The following WDFY3 variants were observed in gnomAD, a reference collection of about 807,000 sequenced individuals.
WDFY3 encodes the protein WD repeat and FYVE domain containing 3.
In WDFY3, 66 loss-of-function variants were observed where a neutral mutation model predicts 409.6. The ratio of observed to expected loss-of-function variants is 0.16; its 90% confidence interval spans 0.13 to 0.20. The LOEUF (loss-of-function observed/expected upper bound fraction) is 0.20, where lower values mean the gene tolerates loss of function less well. WDFY3 is among the 10% of genes least tolerant of loss of function. The pLI, the probability that WDFY3 is intolerant of heterozygous loss-of-function variation, is 1.00. For synonymous variants in WDFY3, 1,521 were observed against 1,537.1 expected (o/e 0.99, Z 0.25); for missense variants, 3,031 against 4,298.1 (o/e 0.71, Z 8.24).
chr4:84,841,239 T>C lies in WDFY3; in HGVS notation c.329A>G (p.Gln110Arg), dbSNP rs1408923364. Residue 110 changes from glutamine to arginine, a missense_variant, in exon 6 of 68, where the codon CAG (glutamine) becomes CGG (arginine). Physicochemically the swap from Gln to Arg is conservative, Grantham distance 43. Coordinates refer to ENST00000295888, the MANE Select transcript of WDFY3 (RefSeq NM_014991.6). Reference sequence around the variant, plus strand: ...TTCACTCTGATTAATCTCTAGGAACTGAACTATGGCCCGACTTGCAGCCTC... The same window carrying C: ...TTCACTCTGATTAATCTCTAGGAACCGAACTATGGCCCGACTTGCAGCCTC... ...STEAASRAIV[Q>R]FLEINQSEEA... The C allele has an allele frequency of 6.2e-7, 1 of 1,612,708 alleles. No homozygotes were observed.
chr4:84,718,605 G>C, intron 47 of WDFY3, 35 bp from the exon 48 acceptor site: 1 of 1,589,484 alleles, frequency 6.3e-7, no homozygotes, highest in Non-Finnish European at 8.5e-7. Context: ...ATTAATATAG[G>C]CTTTTTGTAA....
chr4:84,794,443 G>C, intron 21 of WDFY3, 76 bp downstream of exon 21: 1 of 1,357,186 alleles, frequency 7.4e-7, no homozygotes, highest in Non-Finnish European at 1.0e-6. Context: ...TTATTAGCTG[G>C]ACTTTTAAAA....
chr4:84,713,344 C>A, intron 50 of WDFY3, 105 bp from the exon 51 acceptor site: 1 of 1,000,956 alleles, frequency 1.0e-6, no homozygotes, highest in South Asian at 1.3e-5. Context: ...GTTGCGTCTA[C>A]CCTCCCATAA....
chr4:84,844,139 G>A (rs568281795), intron 5 of WDFY3, among the ~76,000 whole-genome samples: 7 of 152,264 alleles, frequency 4.6e-5, no homozygotes, highest in African/African-American at 1.7e-4. Context: ...AGCCTACACT[G>A]AGAGTAAACA....
At chr4:84,854,822 T>C (rs544837343) in intron 4 of WDFY3, among the ~76,000 whole-genome samples, 5 of 152,262 alleles carry the variant, frequency 3.3e-5, no homozygotes, top group African/African-American at 9.6e-5. Context: ...GGCATAAGAA[T>C]AGCTTGAACC....
chr4:84,747,951 C>T (rs939552692), intron 36 of WDFY3, among the ~76,000 whole-genome samples: 5 of 151,762 alleles, frequency 3.3e-5, no homozygotes, highest in African/African-American at 1.2e-4. Context: ...TGAAGACATA[C>T]CCAGTCTCGG....
At chr4:84,882,318 C>T (rs974852770) in intron 3 of WDFY3, among the ~76,000 whole-genome samples, 12 of 152,162 alleles carry the variant, frequency 7.9e-5, no homozygotes, top group Non-Finnish European at 1.3e-4. Flanking sequence ...TCCACCACCA[C>T]TCCTTGAAGA....
At position 84,837,007 on chromosome 4, in the gene WDFY3, C is replaced by G; in HGVS notation, c.498G>C (p.Val166=). 1.2e-6 allele frequency: 2 copies of G among 1,602,312 alleles called. No homozygotes were observed. Among genetic ancestry groups the G allele is most frequent in the Non-Finnish European group, 1.7e-6 (2 of 1,174,542 alleles). ...TCTGTGCACCTCCAACTGCCTCAGG[C>G]ACATGTGGAAGGTCAAAAAACAGAT... ...CLYLFFDLPH[V]PEAVGGAQNE... The change falls in exon 7 of 68, where the codon GTG becomes GTC. Residue 166 remains valine, a synonymous_variant. Coordinates refer to ENST00000295888, the MANE Select transcript of WDFY3 (RefSeq NM_014991.6).
At chr4:84,830,272 G>A (rs1443560307) in intron 8 of WDFY3, among the ~76,000 whole-genome samples, 2 of 152,190 alleles carry the variant, frequency 1.3e-5, no homozygotes, top group Non-Finnish European at 1.5e-5. Flanking sequence ...AAAGCAACAT[G>A]TATTCAATAG....
At chr4:84,950,401 A>C (rs1773454848) in intron 1 of WDFY3, among the ~76,000 whole-genome samples, 4 of 151,174 alleles carry the variant, frequency 2.6e-5, no homozygotes, top group African/African-American at 9.8e-5. Context: ...CATATCCCAG[A>C]ACTTAAAGTT....
chr4:84,748,591 C>T (rs1739928540), intron 36 of WDFY3, among the ~76,000 whole-genome samples: 1 of 152,088 alleles, frequency 6.6e-6, no homozygotes, highest in Admixed American at 6.5e-5. Context: ...ACTCTCAAAC[C>T]CATGCTCTAG....
chr4:84,678,795 A>T, intron 65 of WDFY3, 124 bp downstream of exon 65: 1 of 1,048,582 alleles, frequency 9.5e-7, no homozygotes, highest in Non-Finnish European at 1.4e-6. Flanking sequence ...ATTCTGTGTG[A>T]GTGGCCCAGC....
intron 32 of WDFY3, among the ~76,000 whole-genome samples, chr4:84,758,716 CTAAT>C (rs2149341804): frequency 6.6e-6 from 1 of 152,158 alleles, no homozygotes; most frequent in South Asian, 2.1e-4. Context: ...GTATGCTCTT[CTAAT>C]TAATAAAAAA....
Position 84,724,474 on chromosome 4 carries a change from C to G in WDFY3, c.7393G>C (p.Ala2465Pro). The G allele has an allele frequency of 3.7e-6, 6 of 1,613,962 alleles. No homozygotes were observed. The highest frequency in any genetic ancestry group is 5.1e-6 in the Non-Finnish European group (6 of 1,179,908). ...AIVESSEGEA[A>P]QQEPEHGEDT... ...TCCCCATGCTCTGGTTCTTGCTGAG[C>G]AGCTTCACCTTCTGAACTCTCCACA... Residue 2465 changes from alanine (A) to proline (P), a missense_variant, in exon 46 of 68, where the codon GCT becomes CCT. Physicochemically the swap from Ala to Pro is conservative, Grantham distance 27. This residue lies in a region of WDFY3 where 127 missense variants were observed against 144.4 expected (regional missense o/e 0.88). Transcript: ENST00000295888.
intron 13 of WDFY3, among the ~76,000 whole-genome samples, chr4:84,812,344 C>A (rs570070710): frequency 1.3e-5 from 2 of 151,992 alleles, no homozygotes; most frequent in Non-Finnish European, 2.9e-5. Flanking sequence ...GACATGTATG[C>A]GCATGCACGC....
At chr4:84,920,339 T>C (rs983319859) in intron 2 of WDFY3, among the ~76,000 whole-genome samples, 5 of 152,160 alleles carry the variant, frequency 3.3e-5, no homozygotes, top group African/African-American at 1.2e-4. Context: ...ACTGCTAATA[T>C]AAGAGATGAT....
chr4:84,888,716 C>T (rs1029253791), intron 3 of WDFY3, among the ~76,000 whole-genome samples: 5 of 152,082 alleles, frequency 3.3e-5, no homozygotes, highest in Non-Finnish European at 7.4e-5. Context: ...TTATGAGAGC[C>T]GATGGCTAAA....
intron 24 of WDFY3, 116 bp from the exon 25 acceptor site, chr4:84,783,190 A>C: frequency 1.1e-6 from 1 of 946,714 alleles, no homozygotes; most frequent in Non-Finnish European, 1.6e-6. Flanking sequence ...CCCTTATCAG[A>C]ATACTGAAAA....
At chr4:84,715,776 GAAA>G (rs370627075) in intron 49 of WDFY3, among the ~76,000 whole-genome samples, 7 of 46,470 alleles carry the variant, frequency 1.5e-4, no homozygotes, top group Non-Finnish European at 2.9e-4. Context: ...CTCTGTCTCA[GAAA>G]AAAAAAAAAA....
Sources: allele counts gnomAD v4.1 joint callset (sites outside exome capture counted in the v4.1 genomes callset), GRCh38; gene constraint gnomAD v4.1.1; regional missense constraint gnomAD v4.1.1; transcripts MANE v1.5; gene names NCBI Gene and HGNC (gene_info 2026-07-23, HGNC 2026-07-21).